Variants in VGLL4 observed in about 807,000 individuals in gnomAD.
The protein encoded by VGLL4 is transcription cofactor vestigial-like protein 4.
In VGLL4, 7 loss-of-function variants were observed where a neutral mutation model predicts 21.0. That is an observed-to-expected ratio of 0.33 (90% CI 0.19 to 0.63). The LOEUF (loss-of-function observed/expected upper bound fraction) is 0.63. Ranked by LOEUF, VGLL4 falls within the 20% of genes least tolerant of loss-of-function variation. The probability of loss-of-function intolerance (pLI) is 0.78; values close to 1 mark genes in which losing one functional copy is unlikely to be tolerated. For synonymous variants in VGLL4, 222 were observed against 173.2 expected (o/e 1.28, Z -2.21); for missense variants, 394 against 425.7 (o/e 0.93, Z 0.66).
chr3:11,588,003 C>G (rs9866470), intron 2 of VGLL4, among the ~76,000 whole-genome samples: 45,584 of 151,972 alleles, frequency 0.3, 8,419 homozygotes, highest in African/African-American at 0.52. Context: ...AGAGCGGTGG[C>G]GCTCTGTTCT....
At chr3:11,639,691 G>C (rs894194076) in intron 1 of VGLL4, among the ~76,000 whole-genome samples, 4 of 152,190 alleles carry the variant, frequency 2.6e-5, no homozygotes, top group Admixed American at 1.3e-4. Context: ...TGGCCAACAT[G>C]GTGAAACCCT....
rs372134773 is a variant in VGLL4 at position 11,708,975 on chromosome 3, T to C, written c.-13-5928A>G. On this transcript the variant is annotated intron_variant, in intron 1 of 5. Transcript: ENST00000273038. ...GCTACTCAGGAGGCTGAGGCAGAAC[T>C]GCTTGAACCCGGGAGACGGGGGTTG... Among the ~76,000 whole-genome samples the C allele has an allele frequency of 2.0e-5, 3 of 151,488 alleles. No individual in the cohort carries two copies. The East Asian group carries it at 5.9e-4, about 30-fold the overall frequency.
chr3:11,571,378 T>C (rs181449331), intron 2 of VGLL4, among the ~76,000 whole-genome samples: 1 of 152,082 alleles, frequency 6.6e-6, no homozygotes, highest in African/African-American at 2.4e-5. Context: ...ACGTAATGTT[T>C]CCCCCATTAA....
chr3:11,622,915 T>G (rs2075290868), intron 1 of VGLL4, among the ~76,000 whole-genome samples: 1 of 152,242 alleles, frequency 6.6e-6, no homozygotes, highest in Admixed American at 6.5e-5. Flanking sequence ...GGCTCTTGTA[T>G]TTCCTTTCTT....
At position 11,690,345 on chromosome 3, in the gene VGLL4, T is replaced by C. The variant is rs564254631; in HGVS notation, c.64+12626A>G. ...GTTTTAAAATATTTACCTTTTGTTA[T>C]TTAAAAAGATTTTTGGCAAGAGAGA... On this transcript the variant is annotated intron_variant, in intron 2 of 5. Transcript: ENST00000273038. 9.2e-5 allele frequency among the ~76,000 whole-genome samples: 14 copies of C among 152,338 alleles called. No individual in the cohort carries two copies. The South Asian group carries it at 2.9e-3, about 32-fold the overall frequency.
chr3:11,622,601 C>T lies in VGLL4; in HGVS notation c.83-20579G>A, dbSNP rs576991305. The stretch of plus-strand genomic sequence containing the variant: ...AGAGTAATGAAGAAATAAAGCAAAA[C>T]TGAAACATTTTAATTTGGGGTCTAC... On this transcript the variant is annotated intron_variant, in intron 1 of 4. Transcript: ENST00000430365. 3.9e-5 allele frequency among the ~76,000 whole-genome samples: 6 copies of T among 152,312 alleles called. No individual in the cohort carries two copies. The South Asian group carries it at 1.2e-3, about 32-fold the overall frequency.
chr3:11,683,261 T>G (rs1409513841), intron 2 of VGLL4, among the ~76,000 whole-genome samples: 1 of 151,960 alleles, frequency 6.6e-6, no homozygotes, highest in Non-Finnish European at 1.5e-5. Flanking sequence ...GAATGGCCAT[T>G]TATTAAAAAG....
chr3:11,679,038 TATA>T (rs752448683), intron 2 of VGLL4, among the ~76,000 whole-genome samples: 196 of 152,350 alleles, frequency 1.3e-3, no homozygotes, highest in Middle Eastern at 3.4e-3. Flanking sequence ...ACGTGCAGTA[TATA>T]ATAATAATGA....
intron 2 of VGLL4, among the ~76,000 whole-genome samples, chr3:11,655,400 T>C (rs963007411): frequency 4.6e-5 from 7 of 152,162 alleles, no homozygotes; most frequent in African/African-American, 1.7e-4. Flanking sequence ...GGGGGCGACG[T>C]GAGCCCACCT....
At chr3:11,698,188 A>G (rs183224843) in intron 2 of VGLL4, among the ~76,000 whole-genome samples, 1 of 152,292 alleles carries the variant, frequency 6.6e-6, no homozygotes, top group Non-Finnish European at 1.5e-5. Flanking sequence ...TCCCATTTTC[A>G]TCAATTTACC....
chr3:11,566,394 G>A (rs1244716964), intron 2 of VGLL4, among the ~76,000 whole-genome samples: 2 of 152,206 alleles, frequency 1.3e-5, no homozygotes, highest in Non-Finnish European at 2.9e-5. Context: ...TATCGACAAT[G>A]AGACAACTAC....
intron 1 of VGLL4, among the ~76,000 whole-genome samples, chr3:11,713,588 A>ATATATATATC (rs1453126312): frequency 1.4e-5 from 2 of 145,548 alleles, no homozygotes; most frequent in Non-Finnish European, 3.0e-5. Context: ...ATATATATAT[A>ATATATATATC]TATCTGCATA....
intron 2 of VGLL4, among the ~76,000 whole-genome samples, chr3:11,671,991 G>A (rs1021590664): frequency 1.3e-5 from 2 of 152,144 alleles, no homozygotes; most frequent in Non-Finnish European, 2.9e-5. Context: ...TCAACGCTCT[G>A]CTGCTTGCCA....
intron 2 of VGLL4, among the ~76,000 whole-genome samples, chr3:11,585,388 G>A (rs970311576): frequency 1.5e-4 from 22 of 151,392 alleles, no homozygotes; most frequent in Non-Finnish European, 2.5e-4. Context: ...CACCGAGATT[G>A]CGCCACTGCA....
At chr3:11,600,451 A>G (rs928095584) in intron 2 of VGLL4, among the ~76,000 whole-genome samples, 1 of 152,168 alleles carries the variant, frequency 6.6e-6, no homozygotes, top group Non-Finnish European at 1.5e-5. Flanking sequence ...TGGGAATAAA[A>G]GAATGAACTG....
At chr3:11,587,547 A>T (rs1247772588) in intron 2 of VGLL4, among the ~76,000 whole-genome samples, 1 of 152,258 alleles carries the variant, frequency 6.6e-6, no homozygotes, top group African/African-American at 2.4e-5. Context: ...ACTAGAAAAC[A>T]GCCGAAAAAC....
intron 2 of VGLL4, among the ~76,000 whole-genome samples, chr3:11,595,172 AC>A (rs2074605816): frequency 2.0e-5 from 3 of 152,146 alleles, no homozygotes; most frequent in African/African-American, 4.8e-5. Flanking sequence ...AAACAAACAA[AC>A]AAACAAACAA....
At chr3:11,651,159 A>G (rs572857337) in intron 2 of VGLL4, among the ~76,000 whole-genome samples, 5 of 152,196 alleles carry the variant, frequency 3.3e-5, no homozygotes, top group African/African-American at 9.6e-5. Context: ...CCTGACTAAC[A>G]TATTGAAAAC....
intron 1 of VGLL4, among the ~76,000 whole-genome samples, chr3:11,634,799 T>A (rs1418802887): frequency 6.6e-6 from 1 of 151,960 alleles, no homozygotes; most frequent in Non-Finnish European, 1.5e-5. Flanking sequence ...TGCCTCACCC[T>A]CCCGAGTATC....
Sources: gnomAD v4.1 joint callset for allele counts (sites outside exome capture counted in the v4.1 genomes callset) on GRCh38, gnomAD v4.1.1 for gene constraint, MANE v1.5 for transcripts, NCBI Gene and HGNC (gene_info 2026-07-23, HGNC 2026-07-21) for gene names.